DENND4A: variants seen among roughly 807,000 people sequenced by gnomAD.
The protein encoded by DENND4A is DENN domain containing 4A, also known as C-myc promoter-binding protein.
In DENND4A, 70 loss-of-function variants were observed where a neutral mutation model predicts 199.3. That is an observed-to-expected ratio of 0.35 (90% CI 0.29 to 0.43). DENND4A has a LOEUF of 0.43. Among genes scored for constraint, DENND4A ranks in the 20% least tolerant of loss-of-function variants. DENND4A has a pLI of 1.00. For synonymous variants in DENND4A, 686 were observed against 766.9 expected, an observed-to-expected ratio of 0.89 and a Z score of 1.74; for missense variants, 1,723 against 2,255.8, an observed-to-expected ratio of 0.76 and a Z score of 4.78.
intron 29 of DENND4A, 125 bp from the exon 30 acceptor site, chr15:65,665,587 G>A (rs2076008593): frequency 1.5e-6 from 1 of 648,942 alleles, no homozygotes. Flanking sequence ...AACAGAAAAA[G>A]ACTGATTTAT....
intron 14 of DENND4A, among the ~76,000 whole-genome samples, chr15:65,709,747 C>T (rs1470469741): frequency 7.9e-6 from 1 of 127,230 alleles, no homozygotes; most frequent in African/African-American, 3.0e-5. Context: ...TATATAATCT[C>T]GTGACACTTT....
chr15:65,662,596 A>C (rs1566978218), intron 32 of DENND4A, among the ~76,000 whole-genome samples: 1 of 152,222 alleles, frequency 6.6e-6, no homozygotes, highest in African/African-American at 2.4e-5. Flanking sequence ...TGTGACAAAA[A>C]GGGACAACAG....
chr15:65,665,607 A>T (rs1368868712), intron 29 of DENND4A, 145 bp from the exon 30 acceptor site: 1 of 560,158 alleles, frequency 1.8e-6, no homozygotes, highest in Non-Finnish European at 3.0e-6. Flanking sequence ...TCTACATTTG[A>T]TATCTACTAC....
chr15:65,707,392 T>C (rs935989674), intron 14 of DENND4A, among the ~76,000 whole-genome samples: 6 of 152,294 alleles, frequency 3.9e-5, no homozygotes, highest in African/African-American at 1.4e-4. Context: ...GTTAAACCTT[T>C]AAGATAAGGA....
chr15:65,693,550 G>A (rs1166951014), intron 22 of DENND4A, among the ~76,000 whole-genome samples: 1 of 151,634 alleles, frequency 6.6e-6, no homozygotes, highest in African/African-American at 2.4e-5. Flanking sequence ...AACACGCTGT[G>A]GGATTCCTTT....
At chr15:65,705,115 A>G (rs1021987162) in intron 15 of DENND4A, among the ~76,000 whole-genome samples, 1 of 152,216 alleles carries the variant, frequency 6.6e-6, no homozygotes, top group African/African-American at 2.4e-5. Flanking sequence ...ACATTTAAAA[A>G]GTGATACAAA....
At chr15:65,722,727 G>T (rs1356974796) in intron 12 of DENND4A, 121 bp downstream of exon 12, 3 of 669,376 alleles carry the variant, frequency 4.5e-6, no homozygotes, top group African/African-American at 3.8e-5. Context: ...ATGATCATCT[G>T]CCTTTAAAAT....
chr15:65,777,054 G>C (rs2077301938), intron 1 of DENND4A, among the ~76,000 whole-genome samples: 1 of 152,114 alleles, frequency 6.6e-6, no homozygotes, highest in Admixed American at 6.5e-5. Flanking sequence ...TGTAATCCCA[G>C]CTACTCAGGA....
chr15:65,675,462 CA>C (rs993754066), intron 24 of DENND4A, among the ~76,000 whole-genome samples: 5 of 149,380 alleles, frequency 3.3e-5, no homozygotes, highest in African/African-American at 7.4e-5. Flanking sequence ...TTACATATGG[CA>C]AAAAAAACAC....
At position 65,702,862 on chromosome 15, in the gene DENND4A, T is replaced by C. The variant is rs778617963; in HGVS notation, c.2223+11A>G. 6 of 1,600,720 alleles carry C rather than the reference T, an allele frequency of 3.7e-6. No homozygotes were observed. The Admixed American group carries it at 8.8e-5, about 24-fold the overall frequency. On this transcript the variant is annotated intron_variant, in intron 16 of 32. Coordinates refer to ENST00000443035, the MANE Select transcript of DENND4A (RefSeq NM_001320835.1). ...CTAAAATTTGATTACATGAAGAATG[T>C]GATAAAGTACCTGTTTTGTTCTTCT...
At chr15:65,781,322 G>A (rs1036548619) in intron 1 of DENND4A, among the ~76,000 whole-genome samples, 1 of 152,090 alleles carries the variant, frequency 6.6e-6, no homozygotes, top group African/African-American at 2.4e-5. Context: ...TGACAATGGG[G>A]AGTCAGTAAA....
At chr15:65,672,012 A>G in intron 24 of DENND4A, 126 bp from the exon 25 acceptor site, 1 of 650,018 alleles carries the variant, frequency 1.5e-6, no homozygotes, top group Non-Finnish European at 2.7e-6. Flanking sequence ...ATTAAAACTA[A>G]TTAGGAAAAA....
chr15:65,689,014 A>G (rs2076885084), intron 23 of DENND4A, among the ~76,000 whole-genome samples: 1 of 152,090 alleles, frequency 6.6e-6, no homozygotes, highest in Non-Finnish European at 1.5e-5. Flanking sequence ...GTTGACAGTT[A>G]TTTTCTTTCA....
intron 2 of DENND4A, among the ~76,000 whole-genome samples, chr15:65,759,370 C>T (rs1455003001): frequency 6.6e-6 from 1 of 151,762 alleles, no homozygotes; most frequent in Non-Finnish European, 1.5e-5. Context: ...CCCAGCTACT[C>T]GGGAGGCTGA....
At chr15:65,771,215 C>G in intron 1 of DENND4A, 2 of 1,608,610 alleles carry the variant, frequency 1.2e-6, no homozygotes, top group Non-Finnish European at 1.7e-6. Flanking sequence ...TAATTCTTTA[C>G]AGTTGTCCAT....
Position 65,718,760 on chromosome 15 carries a change from C to CTTTTTTTTTTTTTTTT in DENND4A, c.1589-780_1589-765dup, listed in dbSNP as rs1038227560. Among the ~76,000 whole-genome samples, 33 of 67,740 alleles carry CTTTTTTTTTTTTTTTT rather than the reference C, an allele frequency of 4.9e-4. 2 individuals carry two copies. Among genetic ancestry groups the CTTTTTTTTTTTTTTTT allele is most frequent in the Non-Finnish European group, 6.8e-4 (23 of 33,892 alleles). The allele number at this position is 67,740 out of a possible 152,430, so 44.4% of individuals were successfully genotyped here. A position where few individuals can be genotyped will look rare whatever the true frequency, so the allele number is the denominator to read the frequency against. On this transcript the variant is annotated intron_variant, in intron 12 of 32. Coordinates refer to ENST00000443035, the MANE Select transcript of DENND4A (RefSeq NM_001320835.1). Reference sequence around the variant, plus strand: ...TCAAAAGTTTTGCATGTTTTTTTTCCTTTTTTTTTTTTTTTTTTTTTTTTT... The same window carrying CTTTTTTTTTTTTTTTT: ...TCAAAAGTTTTGCATGTTTTTTTTCCTTTTTTTTTTTTTTTTTTTTTTTTTTTTTTTTTTTTTTTTT...
Position 65,671,804 on chromosome 15 carries a change from G to A in DENND4A, c.4452C>T (p.Asn1484=). The A allele has an allele frequency of 3.1e-6, 5 of 1,605,028 alleles. No individual in the cohort carries two copies. The highest frequency in any genetic ancestry group is 4.3e-6 in the Non-Finnish European group (5 of 1,171,750). The stretch of plus-strand genomic sequence containing the variant: ...CACAAAAGTGTACCTCCATTGCATA[G>A]TTCTGGAAGATATTTGTATTACTCG... ...FNASNTNIFQ[N]YAMEVLISSC... The change falls in exon 25 of 33, where the codon AAC becomes AAT. Residue 1484 remains asparagine, a synonymous_variant. Coordinates refer to ENST00000443035, the MANE Select transcript of DENND4A (RefSeq NM_001320835.1).
intron 23 of DENND4A, among the ~76,000 whole-genome samples, chr15:65,690,196 ACT>A (rs1460972721): frequency 6.6e-6 from 1 of 152,026 alleles, no homozygotes; most frequent in Non-Finnish European, 1.5e-5. Flanking sequence ...GCTACAAATC[ACT>A]CTTTCAAAAC....
At chr15:65,727,055 T>C (rs1486340926) in intron 11 of DENND4A, among the ~76,000 whole-genome samples, 3 of 152,156 alleles carry the variant, frequency 2.0e-5, no homozygotes, top group African/African-American at 7.2e-5. Context: ...GGCTCATGCC[T>C]GTAATCCCAA....
Sources: allele counts gnomAD v4.1 joint callset (sites outside exome capture counted in the v4.1 genomes callset), GRCh38; gene constraint gnomAD v4.1.1; transcripts MANE v1.5; gene names NCBI Gene and HGNC (gene_info 2026-07-23, HGNC 2026-07-21).